The following ASCC3 variants were observed in gnomAD, a reference collection of about 807,000 sequenced individuals.
The protein encoded by ASCC3 is activating signal cointegrator 1 complex subunit 3.
Under a neutral mutation model 256.3 loss-of-function variants are expected in ASCC3, and 158 were observed. The observed-to-expected ratio is 0.62, with a 90% CI of 0.54 to 0.70. The LOEUF (loss-of-function observed/expected upper bound fraction) is 0.70, where lower values mean the gene tolerates loss of function less well. ASCC3 is among the 30% of genes least tolerant of loss of function. ASCC3 has a pLI of 0.00. For synonymous variants in ASCC3, 948 were observed against 883.4 expected (o/e 1.07, Z -1.30); for missense variants, 2,259 against 2,626.0 (o/e 0.86, Z 3.05).
In ASCC3 at chr6:100,650,660, G is replaced by A. The variant is rs1234864410; in HGVS notation, c.3130C>T (p.Leu1044Phe). Residue 1044 changes from leucine to phenylalanine, a missense_variant, in exon 20 of 42, where the codon CTC (leucine) becomes TTC (phenylalanine). Physicochemically the swap from Leu to Phe is conservative, Grantham distance 22. Transcript: ENST00000369162. ...LDTLLSNFCE[L>F]STPGGVENSY... Reference sequence around the variant, plus strand: ...TTCTCTACACCTCCAGGAGTGGAGAGTTCACAAAAATTGCTTAATAAGGTA... The same window carrying A: ...TTCTCTACACCTCCAGGAGTGGAGAATTCACAAAAATTGCTTAATAAGGTA... 6.2e-7 allele frequency: 1 copy of A among 1,612,030 alleles called. No individual in the cohort carries two copies. The highest frequency in any genetic ancestry group is 8.5e-7 in the Non-Finnish European group (1 of 1,178,616).
intron 4 of ASCC3, among the ~76,000 whole-genome samples, chr6:100,813,591 A>G (rs1309319236): frequency 2.0e-5 from 3 of 152,094 alleles, no homozygotes; most frequent in African/African-American, 7.2e-5. Flanking sequence ...ATTCAAATTC[A>G]CAAATTACTT....
Position 100,750,331 on chromosome 6 carries a change from T to C in ASCC3, c.1737+16234A>G, listed in dbSNP as rs998764716. Among the ~76,000 whole-genome samples the C allele has an allele frequency of 2.6e-5, 4 of 152,154 alleles. No individual in the cohort carries two copies. In the South Asian group the frequency reaches 6.2e-4, roughly 24 times the overall value. The stretch of plus-strand genomic sequence containing the variant: ...TATCAGAAAATATCACAGATACTAA[T>C]GAGTATGGAGAATGCCCTTATGTTT... On this transcript the variant is annotated intron_variant, in intron 10 of 41. Transcript: ENST00000369162.
At chr6:100,624,854 TAA>T (rs1175843486) in intron 30 of ASCC3, among the ~76,000 whole-genome samples, 5 of 151,714 alleles carry the variant, frequency 3.3e-5, no homozygotes, top group African/African-American at 1.2e-4. Context: ...TTCCTAAAAT[TAA>T]AAAAAGATTA....
chr6:100,616,721 C>A (rs1000077703), intron 30 of ASCC3, among the ~76,000 whole-genome samples: 4 of 152,120 alleles, frequency 2.6e-5, no homozygotes, highest in Non-Finnish European at 2.9e-5. Context: ...AAAGGCCTTG[C>A]AGAATCCTAA....
intron 8 of ASCC3, among the ~76,000 whole-genome samples, chr6:100,788,482 A>C (rs1270978661): frequency 6.6e-6 from 1 of 152,034 alleles, no homozygotes; most frequent in Non-Finnish European, 1.5e-5. Flanking sequence ...TAGGAAAACA[A>C]AAATATATGT....
intron 8 of ASCC3, among the ~76,000 whole-genome samples, chr6:100,783,022 G>T (rs891058340): frequency 1.3e-5 from 2 of 150,458 alleles, no homozygotes; most frequent in African/African-American, 4.9e-5. Flanking sequence ...AAAAAAAAAA[G>T]AAATATGACT....
intron 1 of ASCC3, among the ~76,000 whole-genome samples, chr6:100,869,030 C>T (rs558320307): frequency 2.6e-5 from 4 of 152,294 alleles, no homozygotes; most frequent in Admixed American, 1.3e-4. Context: ...CTATAAGGCA[C>T]GGCTCCCTGA....
chr6:100,658,740 T>C (rs1046572276), intron 16 of ASCC3, among the ~76,000 whole-genome samples: 1 of 151,416 alleles, frequency 6.6e-6, no homozygotes, highest in Non-Finnish European at 1.5e-5. Context: ...TAGCCAGAAT[T>C]ACAAGGTCGT....
chr6:100,712,309 A>C (rs1197549948), intron 13 of ASCC3, among the ~76,000 whole-genome samples: 2 of 152,192 alleles, frequency 1.3e-5, no homozygotes, highest in Non-Finnish European at 2.9e-5. Context: ...AAGAGAAATA[A>C]GAGGAAAGAG....
At chr6:100,602,202 C>G (rs1772654977) in intron 33 of ASCC3, among the ~76,000 whole-genome samples, 1 of 151,856 alleles carries the variant, frequency 6.6e-6, no homozygotes, top group Non-Finnish European at 1.5e-5. Flanking sequence ...TATTATTCAC[C>G]AGTACATATA....
chr6:100,865,311 A>C (rs971392001), intron 2 of ASCC3, among the ~76,000 whole-genome samples: 4 of 152,182 alleles, frequency 2.6e-5, no homozygotes, highest in South Asian at 4.1e-4. Context: ...GGAAGAAAAA[A>C]ATGTTTAAAA....
At chr6:100,842,848 C>T (rs1772210850) in intron 4 of ASCC3, among the ~76,000 whole-genome samples, 2 of 151,822 alleles carry the variant, frequency 1.3e-5, no homozygotes, top group African/African-American at 4.8e-5. Context: ...GGTGAGGCAT[C>T]CTTGTAGTCC....
chr6:100,692,209 A>T (rs1311859533), intron 13 of ASCC3, among the ~76,000 whole-genome samples: 1 of 152,000 alleles, frequency 6.6e-6, no homozygotes, highest in African/African-American at 2.4e-5. Context: ...CTCTGGTATG[A>T]CTTTCTCTTT....
intron 11 of ASCC3, among the ~76,000 whole-genome samples, chr6:100,721,973 A>C (rs981171105): frequency 6.6e-6 from 1 of 151,794 alleles, no homozygotes; most frequent in Non-Finnish European, 1.5e-5. Context: ...AAGATCTTAC[A>C]TTTAAATCTT....
intron 13 of ASCC3, among the ~76,000 whole-genome samples, chr6:100,695,930 G>A (rs576328002): frequency 2.6e-5 from 4 of 152,280 alleles, no homozygotes; most frequent in Admixed American, 2.6e-4. Flanking sequence ...CCTATGGCAG[G>A]CTACCTTTTA....
At chr6:100,738,727 A>C (rs1382676867) in intron 10 of ASCC3, among the ~76,000 whole-genome samples, 3 of 152,058 alleles carry the variant, frequency 2.0e-5, no homozygotes, top group East Asian at 1.9e-4. Flanking sequence ...ATGAATTTTA[A>C]AATAGTTTTT....
At chr6:100,786,713 G>A (rs1488826939) in intron 8 of ASCC3, among the ~76,000 whole-genome samples, 1 of 152,100 alleles carries the variant, frequency 6.6e-6, no homozygotes, top group Non-Finnish European at 1.5e-5. Flanking sequence ...GATTAGAAGT[G>A]CAGCTGTTTA....
chr6:100,840,950 G>C (rs970849045), intron 4 of ASCC3, among the ~76,000 whole-genome samples: 3 of 151,530 alleles, frequency 2.0e-5, no homozygotes, highest in African/African-American at 7.3e-5. Context: ...AAAAAAAAGA[G>C]AAAAAATTGA....
At chr6:100,666,458 T>C (rs377563578) in intron 14 of ASCC3, among the ~76,000 whole-genome samples, 3 of 152,210 alleles carry the variant, frequency 2.0e-5, no homozygotes, top group East Asian at 3.8e-4. Context: ...ACAGTTCCAG[T>C]TGCTTCCCAT....
Sources: allele counts gnomAD v4.1 joint callset (sites outside exome capture counted in the v4.1 genomes callset), GRCh38; gene constraint gnomAD v4.1.1; transcripts MANE v1.5; gene names NCBI Gene and HGNC (gene_info 2026-07-23, HGNC 2026-07-21).